The following GRID2 variants were observed in gnomAD, a reference collection of about 807,000 sequenced individuals.
GRID2 encodes the protein glutamate ionotropic receptor delta type subunit 2.
A neutral mutation model predicts 114.8 loss-of-function variants in GRID2; 33 were observed. The ratio of observed to expected loss-of-function variants is 0.29; its 90% CI spans 0.22 to 0.38. The LOEUF (loss-of-function observed/expected upper bound fraction) is 0.38, where lower values mean the gene tolerates loss of function less well. GRID2 is among the 10% of genes least tolerant of loss of function. The pLI, the probability that GRID2 is intolerant of heterozygous loss-of-function variation, is 1.00. For synonymous variants in GRID2, 505 were observed against 449.9 expected, an observed-to-expected ratio of 1.12 and a Z score of -1.55; for missense variants, 1,184 against 1,257.7, an observed-to-expected ratio of 0.94 and a Z score of 0.89.
chr4:92,939,379 G>A (rs1208041548), intron 2 of GRID2, among the ~76,000 whole-genome samples: 2 of 147,470 alleles, frequency 1.4e-5, no homozygotes, highest in Non-Finnish European at 3.0e-5. Flanking sequence ...AGAATTGTCT[G>A]TTTATGTCCT....
At chr4:93,702,025 A>G (rs1475087605) in intron 14 of GRID2, among the ~76,000 whole-genome samples, 5 of 152,096 alleles carry the variant, frequency 3.3e-5, no homozygotes, top group African/African-American at 1.2e-4. Flanking sequence ...TAACTTTATT[A>G]CAGTATTTCC....
intron 1 of GRID2, among the ~76,000 whole-genome samples, chr4:92,565,457 A>G (rs182073535): frequency 1.3e-5 from 2 of 152,032 alleles, no homozygotes; most frequent in African/African-American, 4.8e-5. Context: ...TATATCCCAC[A>G]GGGGAAATAT....
At chr4:93,709,875 A>AT (rs1326733137) in intron 14 of GRID2, among the ~76,000 whole-genome samples, 2 of 152,096 alleles carry the variant, frequency 1.3e-5, no homozygotes, top group Non-Finnish European at 2.9e-5. Context: ...GTGTGTCAGT[A>AT]TGTCAGTTGC....
intron 9 of GRID2, among the ~76,000 whole-genome samples, chr4:93,396,468 A>G (rs1222842616): frequency 6.6e-6 from 1 of 151,930 alleles, no homozygotes; most frequent in Non-Finnish European, 1.5e-5. Flanking sequence ...GGACAAAGGG[A>G]TGAGTCACAT....
intron 3 of GRID2, among the ~76,000 whole-genome samples, chr4:93,107,557 G>C (rs1477226916): frequency 6.6e-6 from 1 of 151,676 alleles, no homozygotes; most frequent in Non-Finnish European, 1.5e-5. Flanking sequence ...AATTTTTTTT[G>C]AGGGGGCATC....
intron 8 of GRID2, among the ~76,000 whole-genome samples, chr4:93,291,239 T>G (rs1462901299): frequency 6.6e-6 from 1 of 152,200 alleles, no homozygotes; most frequent in Non-Finnish European, 1.5e-5. Flanking sequence ...ATTACATCAT[T>G]TCATCTTTCT....
intron 2 of GRID2, among the ~76,000 whole-genome samples, chr4:92,974,691 A>AG (rs141083784): frequency 0.046 from 6,998 of 150,844 alleles, 284 homozygotes; most frequent in East Asian, 0.17. Flanking sequence ...TCGCGGGGGT[A>AG]GGGGGGTAGG....
chr4:92,980,612 G>C (rs1754132227), intron 2 of GRID2, among the ~76,000 whole-genome samples: 1 of 151,968 alleles, frequency 6.6e-6, no homozygotes, highest in Non-Finnish European at 1.5e-5. Context: ...GACAGAACTA[G>C]GTTTTAGGAG....
intron 4 of GRID2, among the ~76,000 whole-genome samples, chr4:93,146,046 G>T (rs1736197377): frequency 6.6e-6 from 1 of 151,904 alleles, no homozygotes; most frequent in African/African-American, 2.4e-5. Flanking sequence ...TTCAAAATTT[G>T]TTCAATTTTT....
At chr4:93,613,777 C>G (rs1466284593) in intron 13 of GRID2, among the ~76,000 whole-genome samples, 1 of 151,398 alleles carries the variant, frequency 6.6e-6, no homozygotes, top group Non-Finnish European at 1.5e-5. Context: ...TTGTGTGTGC[C>G]CTGCCCCAAG....
chr4:93,204,168 G>A (rs1042586866), intron 4 of GRID2: 14 of 152,084 alleles, frequency 9.2e-5, no homozygotes, highest in Admixed American at 8.5e-4. Context: ...GTAGGGCAGG[G>A]TATTTTTTAA....
chr4:93,253,331 A>C (rs527541913), intron 8 of GRID2, among the ~76,000 whole-genome samples: 1 of 152,278 alleles, frequency 6.6e-6, no homozygotes, highest in Non-Finnish European at 1.5e-5. Context: ...TGTGTCTTCA[A>C]ATTATCTCCT....
chr4:93,469,974 A>T (rs1252965106), intron 11 of GRID2, among the ~76,000 whole-genome samples: 1 of 152,118 alleles, frequency 6.6e-6, no homozygotes, highest in Non-Finnish European at 1.5e-5. Flanking sequence ...AAAAAGTGAA[A>T]ATTAAAATGT....
chr4:92,689,458 T>G (rs916644199), intron 2 of GRID2, among the ~76,000 whole-genome samples: 1 of 152,184 alleles, frequency 6.6e-6, no homozygotes, highest in Non-Finnish European at 1.5e-5. Flanking sequence ...AGTTAGGAAC[T>G]CGACCACACA....
At chr4:93,700,386 A>C (rs1011350163) in intron 14 of GRID2, among the ~76,000 whole-genome samples, 3 of 152,052 alleles carry the variant, frequency 2.0e-5, no homozygotes, top group African/African-American at 7.2e-5. Context: ...TGAAGGATTC[A>C]CTCTTGAACA....
At chr4:93,730,549 G>A (rs959903440) in intron 14 of GRID2, among the ~76,000 whole-genome samples, 7 of 152,216 alleles carry the variant, frequency 4.6e-5, no homozygotes, top group Non-Finnish European at 7.3e-5. Flanking sequence ...AGAGCCAAGA[G>A]AGCATTGGCT....
chr4:93,608,264 C>T (rs529017499), intron 13 of GRID2, among the ~76,000 whole-genome samples: 48 of 137,182 alleles, frequency 3.5e-4, no homozygotes, highest in Middle Eastern at 4.1e-3. Flanking sequence ...TTATTTTAAA[C>T]TATTTAGTCC....
At chr4:92,564,433 TAGAC>T (rs1183960340) in intron 1 of GRID2, among the ~76,000 whole-genome samples, 1 of 151,968 alleles carries the variant, frequency 6.6e-6, no homozygotes, top group Non-Finnish European at 1.5e-5. Context: ...TCAAGGTTGA[TAGAC>T]ACTTAAACAA....
intron 5 of GRID2, 94 bp downstream of exon 5, chr4:93,207,551 C>A: frequency 1.3e-6 from 1 of 762,486 alleles, no homozygotes; most frequent in South Asian, 1.6e-5. Flanking sequence ...TAAGCGGAAA[C>A]AAAACTTGAA....
Sources: gnomAD v4.1 joint callset for allele counts (sites outside exome capture counted in the v4.1 genomes callset) on GRCh38, gnomAD v4.1.1 for gene constraint, MANE v1.5 for transcripts, NCBI Gene and HGNC (gene_info 2026-07-23, HGNC 2026-07-21) for gene names.